The following EML2 variants were observed in gnomAD, a reference collection of about 807,000 sequenced individuals.
The protein encoded by EML2 is echinoderm microtubule-associated protein-like 2.
A neutral mutation model predicts 84.7 loss-of-function variants in EML2; 59 were observed. The ratio of observed to expected loss-of-function variants is 0.70; its 90% CI spans 0.56 to 0.86. The LOEUF (loss-of-function observed/expected upper bound fraction) is 0.86, where lower values mean the gene tolerates loss of function less well. Among genes scored for constraint, EML2 ranks in the 40% least tolerant of loss-of-function variants. The pLI, the probability that EML2 is intolerant of heterozygous loss-of-function variation, is 0.00. For synonymous variants in EML2, 352 were observed against 348.9 expected (o/e 1.01, Z -0.10); for missense variants, 818 against 855.6 (o/e 0.96, Z 0.55).
intron 18 of EML2, among the ~76,000 whole-genome samples, chr19:45,612,984 A>G (rs556697992): frequency 3.3e-5 from 5 of 152,078 alleles, no homozygotes; most frequent in Admixed American, 1.3e-4. Flanking sequence ...TGCAGCCTCA[A>G]CCTCCTGGGC....
At position 45,621,213 on chromosome 19, in the gene EML2, C is replaced by T. The variant is rs769339463; in HGVS notation, c.1116G>A (p.Leu372=). 8 of 1,613,546 alleles carry T rather than the reference C, an allele frequency of 5.0e-6. No homozygotes were observed. Among genetic ancestry groups the T allele is most frequent in the Non-Finnish European group, 6.8e-6 (8 of 1,179,996 alleles). ...QGSVHTGFSL[L]VQGHVEELWG... is the part of the protein sequence containing the mutation. Reference sequence around the variant, plus strand: ...GCAGAGGAGAGAGGCGCACCTGGACCAGCAGTGAGAAGCCTGTGTGCACGG... The same window carrying T: ...GCAGAGGAGAGAGGCGCACCTGGACTAGCAGTGAGAAGCCTGTGTGCACGG... The change falls in exon 11 of 19, where the codon CTG becomes CTA. Residue 372 remains leucine (L), a synonymous_variant. Coordinates refer to ENST00000245925, the MANE Select transcript of EML2 (RefSeq NM_012155.4).
chr19:45,621,369 C>A, intron 10 of EML2, 37 bp from the exon 11 acceptor site: 1 of 1,580,882 alleles, frequency 6.3e-7, no homozygotes, highest in Non-Finnish European at 8.6e-7. Context: ...GAGTAGGATG[C>A]ACACGGGTGG....
upstream of EML2, chr19:45,641,310 C>T (rs951265890): frequency 4.5e-5 from 12 of 268,680 alleles, no homozygotes; most frequent in African/African-American, 2.2e-4. Flanking sequence ...GCTGCCTTGA[C>T]TTCATCCCTG....
At chr19:45,641,749 C>CT (rs777187608), upstream of EML2, 2 of 1,536,118 alleles carry the variant, frequency 1.3e-6, no homozygotes, top group South Asian at 2.4e-5. Context: ...GCGGACACTG[C>CT]TAAAAGAGAG....
intron 6 of EML2, chr19:45,632,381 G>C (rs1336106193): frequency 6.4e-6 from 1 of 157,288 alleles, no homozygotes; most frequent in African/African-American, 2.4e-5. Flanking sequence ...GCTTCACTAC[G>C]TTGGCTAGGC....
At chr19:45,618,896 G>A (rs1971380463) in intron 12 of EML2, 164 bp downstream of exon 12, 1 of 694,796 alleles carries the variant, frequency 1.4e-6, no homozygotes, top group Non-Finnish European at 2.1e-6. Context: ...GCAGTGAGCC[G>A]AGATCGTGCC....
chr19:45,642,588 T>C, upstream of EML2: 1 of 1,288,746 alleles, frequency 7.8e-7, no homozygotes, highest in Non-Finnish European at 1.0e-6. Flanking sequence ...GCTGGCCGTG[T>C]GACCTTGGGG....
In EML2 at chr19:45,632,280, C is replaced by T. The variant is rs1471114511; in HGVS notation, c.510+581G>A. On this transcript the variant is annotated intron_variant, in intron 6 of 18. Transcript: ENST00000245925. ...TCGACTCACTGCAAACTCCCCCTCCCGGGTTCAAGCGATTCTCCTGCCTCA... is the reference window on the plus strand; with the variant it reads ...TCGACTCACTGCAAACTCCCCCTCCTGGGTTCAAGCGATTCTCCTGCCTCA... 9.2e-5 allele frequency among the ~76,000 whole-genome samples: 14 copies of T among 152,022 alleles called. 1 individual carries two copies. In the South Asian group the frequency reaches 2.9e-3, roughly 32 times the overall value.
At position 45,629,293 on chromosome 19, in the gene EML2, A is replaced by AT. The variant is rs892397791; in HGVS notation, c.606+657dup. Among the ~76,000 whole-genome samples the AT allele has an allele frequency of 2.2e-4, 32 of 145,558 alleles. 1 individual carries two copies. The highest frequency in any genetic ancestry group is 6.6e-4 in the South Asian group (3 of 4,552). On this transcript the variant is annotated intron_variant, in intron 7 of 18. Transcript: ENST00000245925. ...TATGGGTGCACACCACACCCAGTTA[A>AT]TTTTTTTTTTTAAGTGCCAGATTTT...
At chr19:45,619,212 C>G in intron 11 of EML2, 21 bp from the exon 12 acceptor site, 4 of 1,604,326 alleles carry the variant, frequency 2.5e-6, no homozygotes, top group Non-Finnish European at 3.4e-6. Flanking sequence ...GGGAGGACAG[C>G]AGGATGGAGA....
Position 45,634,373 on chromosome 19 carries a change from A to G in EML2, c.278T>C (p.Val93Ala). Residue 93 changes from valine (V) to alanine (A), a missense_variant, in exon 4 of 19, where the codon GTG becomes GCG. Transcript: ENST00000245925. ...GTAGTGTCGCTGCCTCTGCTCCTCC[A>G]CGCTGTATAGCACGGCTACGGAGGC... The part of the protein sequence containing the change: ...FVASVAVLYS[V>A]EEQRQRHYLG... 6.2e-7 allele frequency: 1 copy of G among 1,613,848 alleles called. No individual in the cohort carries two copies. The highest frequency in any genetic ancestry group is 8.5e-7 in the Non-Finnish European group (1 of 1,179,942).
At chr19:45,628,881 A>G (rs1226508310) in intron 7 of EML2, 1 of 151,254 alleles carries the variant, frequency 6.6e-6, no homozygotes, top group African/African-American at 2.4e-5. Flanking sequence ...ATAGAACAAA[A>G]CCCAGGTTTC....
intron 9 of EML2, among the ~76,000 whole-genome samples, chr19:45,622,829 C>T (rs1005375351): frequency 6.6e-6 from 1 of 152,118 alleles, no homozygotes; most frequent in African/African-American, 2.4e-5. Flanking sequence ...GGGCGGATCA[C>T]GAGGTCAGGA....
At chr19:45,615,398 A>C (rs978786740) in intron 16 of EML2, among the ~76,000 whole-genome samples, 2 of 151,168 alleles carry the variant, frequency 1.3e-5, no homozygotes, top group Non-Finnish European at 2.9e-5. Flanking sequence ...TGCTCCTGTA[A>C]TCCCAGCTAC....
upstream of EML2, among the ~76,000 whole-genome samples, chr19:45,644,322 A>G (rs1470925586): frequency 1.3e-5 from 2 of 152,128 alleles, no homozygotes; most frequent in Admixed American, 6.6e-5. Context: ...CAGCCGTTCA[A>G]TGGAAGAACC....
In EML2 at chr19:45,624,697, A is replaced by C. The variant is rs774749348; in HGVS notation, c.841+22T>G. On this transcript the variant is annotated intron_variant, in intron 9 of 18. Transcript: ENST00000245925. ...GTTTCAGAAGACTGGATTGGGAACCAAACAGATGGGGTGACACTGACCTTT... is the reference window on the plus strand; with the variant it reads ...GTTTCAGAAGACTGGATTGGGAACCCAACAGATGGGGTGACACTGACCTTT... 48 of 1,594,548 alleles carry C rather than the reference A, an allele frequency of 3.0e-5. 1 individual carries two copies. The South Asian group carries it at 5.2e-4, about 17-fold the overall frequency.
At chr19:45,639,497 G>A, upstream of EML2, 1 of 1,062,448 alleles carries the variant, frequency 9.4e-7, no homozygotes, top group African/African-American at 1.6e-5. Context: ...CACCCCTGGA[G>A]CCGGAGGGTC....
upstream of EML2, among the ~76,000 whole-genome samples, chr19:45,644,148 C>T (rs1054348616): frequency 1.2e-4 from 18 of 152,198 alleles, no homozygotes; most frequent in African/African-American, 4.1e-4. Flanking sequence ...ACGTTCCCGG[C>T]TCATGTTGAT....
chr19:45,626,379 AC>A (rs1972322808), intron 8 of EML2, among the ~76,000 whole-genome samples: 4 of 113,574 alleles, frequency 3.5e-5, no homozygotes, highest in Non-Finnish European at 6.8e-5. Flanking sequence ...AATCCTCACA[AC>A]TTTTTTTTTT....
Sources: gnomAD v4.1 joint callset for allele counts (sites outside exome capture counted in the v4.1 genomes callset) on GRCh38, gnomAD v4.1.1 for gene constraint, MANE v1.5 for transcripts, NCBI Gene and HGNC (gene_info 2026-07-23, HGNC 2026-07-21) for gene names.